Variants in GTF2A1 observed in about 807,000 individuals in gnomAD.
The protein encoded by GTF2A1 is general transcription factor IIA subunit 1.
GTF2A1 carries 12 observed loss-of-function variants against 54.1 expected under a neutral mutation model. That is an observed-to-expected ratio of 0.22 (90% CI 0.14 to 0.36). GTF2A1 has a LOEUF of 0.36. Ranked by LOEUF, GTF2A1 falls within the 10% of genes least tolerant of loss-of-function variation. The pLI is 1.00. For missense variants in GTF2A1, 335 were observed against 442.2 expected (o/e 0.76, Z 2.17); for synonymous variants, 145 against 152.0 (o/e 0.95, Z 0.34).
intron 7 of GTF2A1, among the ~76,000 whole-genome samples, chr14:81,191,226 C>T (rs1892869637): frequency 6.6e-6 from 1 of 152,156 alleles, no homozygotes; most frequent in Admixed American, 6.5e-5. Context: ...TGGACATCTG[C>T]ACAATTATGT....
intron 2 of GTF2A1, among the ~76,000 whole-genome samples, chr14:81,216,105 C>T (rs761028508): frequency 6.6e-6 from 1 of 152,208 alleles, no homozygotes; most frequent in Non-Finnish European, 1.5e-5. Context: ...TGTTAACTAT[C>T]CAATAATAAC....
chr14:81,217,617 T>C (rs764500089), intron 1 of GTF2A1, among the ~76,000 whole-genome samples: 12 of 152,216 alleles, frequency 7.9e-5, no homozygotes, highest in Middle Eastern at 3.4e-3. Flanking sequence ...CTGGGTAACA[T>C]AGTGAAACCC....
chr14:81,200,436 C>T (rs1241781312), intron 4 of GTF2A1, among the ~76,000 whole-genome samples: 2 of 152,016 alleles, frequency 1.3e-5, no homozygotes, highest in Non-Finnish European at 2.9e-5. Context: ...ACCAGCCTGG[C>T]CAACATGGTG....
intron 8 of GTF2A1, among the ~76,000 whole-genome samples, chr14:81,180,966 A>G (rs922833138): frequency 3.9e-5 from 6 of 152,220 alleles, no homozygotes; most frequent in Non-Finnish European, 8.8e-5. Context: ...TTCTTCTACC[A>G]AAATAAAACT....
intron 8 of GTF2A1, among the ~76,000 whole-genome samples, chr14:81,183,332 A>G (rs1892677654): frequency 1.3e-5 from 2 of 152,210 alleles, no homozygotes; most frequent in African/African-American, 4.8e-5. Context: ...TGCAACCAGA[A>G]AGACCGTGGG....
At chr14:81,201,396 A>G (rs759554799) in intron 4 of GTF2A1, among the ~76,000 whole-genome samples, 198 bp downstream of exon 4, 3 of 152,182 alleles carry the variant, frequency 2.0e-5, no homozygotes, top group Non-Finnish European at 4.4e-5. Flanking sequence ...GTATTCTTAA[A>G]CAATTCCGTA....
chr14:81,193,956 G>C lies in GTF2A1; in HGVS notation c.613-1117C>G, dbSNP rs566655312. Among the ~76,000 whole-genome samples, 5 of 152,286 alleles carry C rather than the reference G, an allele frequency of 3.3e-5. No individual in the cohort carries two copies. The South Asian group carries it at 1.0e-3, about 32-fold the overall frequency. On this transcript the variant is annotated intron_variant, in intron 6 of 8. Transcript: ENST00000553612. The stretch of plus-strand genomic sequence containing the variant: ...ACAACTCAAAAACACAGCAGATGTA[G>C]TACAAATATGACACAGTGTTATGGG...
At chr14:81,190,796 A>G (rs1255454334) in intron 7 of GTF2A1, among the ~76,000 whole-genome samples, 2 of 152,208 alleles carry the variant, frequency 1.3e-5, no homozygotes, top group African/African-American at 4.8e-5. Flanking sequence ...AGGCTTAGCC[A>G]ATGAGCCACA....
At chr14:81,220,340 C>T (rs1298159013) in intron 1 of GTF2A1, 149 bp downstream of exon 1, 1 of 249,656 alleles carries the variant, frequency 4.0e-6, no homozygotes, top group African/African-American at 2.3e-5. Flanking sequence ...CCGGCCCGAT[C>T]CGCCCGAGGC....
At chr14:81,205,121 T>C (rs1253476686) in intron 2 of GTF2A1, among the ~76,000 whole-genome samples, 1 of 146,352 alleles carries the variant, frequency 6.8e-6, no homozygotes, top group African/African-American at 2.6e-5. Context: ...TATTTTTTTA[T>C]TTTTTTTTTT....
intron 2 of GTF2A1, among the ~76,000 whole-genome samples, chr14:81,209,560 C>A (rs1374094819): frequency 6.6e-6 from 1 of 152,154 alleles, no homozygotes; most frequent in African/African-American, 2.4e-5. Flanking sequence ...GCCAGACTCT[C>A]TGGAAAATCC....
chr14:81,207,484 T>A (rs1293275624), intron 2 of GTF2A1, among the ~76,000 whole-genome samples: 1 of 152,192 alleles, frequency 6.6e-6, no homozygotes, highest in Non-Finnish European at 1.5e-5. Context: ...GTTTTGGGTA[T>A]GTCTTCATCA....
At chr14:81,217,248 GGTAAAATGA>G (rs1179797511) in intron 1 of GTF2A1, among the ~76,000 whole-genome samples, 4 of 152,124 alleles carry the variant, frequency 2.6e-5, no homozygotes, top group African/African-American at 7.2e-5. Flanking sequence ...AAGGTTGAAT[GGTAAAATGA>G]GTAAAATGAG....
chr14:81,219,701 T>C (rs1893571919), intron 1 of GTF2A1, among the ~76,000 whole-genome samples: 1 of 152,190 alleles, frequency 6.6e-6, no homozygotes, highest in Non-Finnish European at 1.5e-5. Flanking sequence ...GAAAAGGTTA[T>C]TTATGTGACT....
In GTF2A1 at chr14:81,177,419, G is replaced by A. The variant is rs1892552068; in HGVS notation, c.*2804C>T. On this transcript the variant is annotated 3_prime_UTR_variant, in exon 9 of 9. Transcript: ENST00000553612. ...TCCACAGAAATTAAACATGCTCTCA[G>A]GCATTCAAATGGTCTGATTACCCAA... 1 of 152,118 alleles carries A rather than the reference G, an allele frequency of 6.6e-6. No individual in the cohort carries two copies. The highest frequency in any genetic ancestry group is 1.9e-4 in the East Asian group (1 of 5,200). 9.4% of individuals were successfully genotyped at this position (152,118 alleles called of 1,614,324 possible).
rs1892519027 is a variant in GTF2A1 at position 81,176,018 on chromosome 14, G to C, written c.*4205C>G. 6.6e-6 allele frequency: 1 copy of C among 152,002 alleles called. No individual in the cohort carries two copies. Among genetic ancestry groups the C allele is most frequent in the Admixed American group, 6.6e-5 (1 of 15,252 alleles). The allele number at this position is 152,002 out of a possible 1,614,324, so 9.4% of individuals were successfully genotyped here. A position where few individuals can be genotyped will look rare whatever the true frequency, so the allele number is the denominator to read the frequency against. On this transcript the variant is annotated 3_prime_UTR_variant, in exon 9 of 9. Transcript: ENST00000553612. The stretch of plus-strand genomic sequence containing the variant: ...ACTTATCTTTAAGGTACAGAATTTA[G>C]CATCTTTTTGTTGTTGTTAAATGGA...
chr14:81,190,885 T>C (rs1892861567), intron 7 of GTF2A1, among the ~76,000 whole-genome samples: 1 of 152,116 alleles, frequency 6.6e-6, no homozygotes, highest in Non-Finnish European at 1.5e-5. Flanking sequence ...TTATGAGGAC[T>C]AACAAAAGAC....
intron 4 of GTF2A1, among the ~76,000 whole-genome samples, chr14:81,201,384 T>C (rs1283993230): frequency 1.3e-5 from 2 of 152,204 alleles, no homozygotes; most frequent in Non-Finnish European, 2.9e-5. Context: ...ACCATTCTTT[T>C]GGTATTCTTA....
chr14:81,205,657 G>C (rs1893212761), intron 2 of GTF2A1, among the ~76,000 whole-genome samples: 1 of 152,176 alleles, frequency 6.6e-6, no homozygotes, highest in Admixed American at 6.5e-5. Flanking sequence ...TATGTAACCT[G>C]ATCATTTATC....
Sources: allele counts gnomAD v4.1 joint callset (sites outside exome capture counted in the v4.1 genomes callset), GRCh38; gene constraint gnomAD v4.1.1; transcripts MANE v1.5; gene names NCBI Gene and HGNC (gene_info 2026-07-23, HGNC 2026-07-21).